Variants in DOCK4 observed in about 807,000 individuals in gnomAD.
DOCK4 encodes the protein dedicator of cytokinesis 4.
In DOCK4, 97 loss-of-function variants were observed where a neutral mutation model predicts 268.1. That is an observed-to-expected ratio of 0.36 (90% CI 0.31 to 0.43). DOCK4 has a LOEUF of 0.43. Among genes scored for constraint, DOCK4 ranks in the 20% least tolerant of loss-of-function variants. The pLI, the probability that DOCK4 is intolerant of heterozygous loss-of-function variation, is 1.00. For synonymous variants in DOCK4, 954 were observed against 887.2 expected, an observed-to-expected ratio of 1.08 and a Z score of -1.34; for missense variants, 2,145 against 2,455.7, an observed-to-expected ratio of 0.87 and a Z score of 2.67.
At chr7:111,933,802 T>C (rs1794468389) in intron 12 of DOCK4, among the ~76,000 whole-genome samples, 1 of 151,916 alleles carries the variant, frequency 6.6e-6, no homozygotes, top group African/African-American at 2.4e-5. Flanking sequence ...AAGTTATCTC[T>C]CCAACTCTAA....
At chr7:111,930,250 AT>A (rs578122023) in intron 12 of DOCK4, among the ~76,000 whole-genome samples, 75 of 152,202 alleles carry the variant, frequency 4.9e-4, no homozygotes, top group Non-Finnish European at 7.1e-4. Flanking sequence ...AGTTAAATGG[AT>A]TGCTTGCAAT....
Position 111,972,776 on chromosome 7 carries a change from A to G in DOCK4, c.701+4356T>C, listed in dbSNP as rs6968414. On this transcript the variant is annotated intron_variant, in intron 8 of 52. Transcript: ENST00000428084. ...TACCTAGATTCTATCATTAACACTT[A>G]TCATATGTTTTATCACATCTCTAGT... 9.9e-3 allele frequency among the ~76,000 whole-genome samples: 1,498 copies of G among 152,068 alleles called. 33 individuals are homozygous for G. Among genetic ancestry groups the G allele is most frequent in the African/African-American group, 0.033 (1,388 of 41,482 alleles).
intron 1 of DOCK4, among the ~76,000 whole-genome samples, chr7:112,118,149 T>TA (rs33923857): frequency 6.7e-6 from 1 of 150,124 alleles, no homozygotes; most frequent in African/African-American, 2.4e-5. Context: ...TATATATATA[T>TA]TTTGTCTCCT....
intron 9 of DOCK4, 140 bp downstream of exon 9, chr7:111,945,577 G>T: frequency 1.5e-6 from 1 of 671,128 alleles, no homozygotes; most frequent in Non-Finnish European, 2.5e-6. Context: ...AGAATTCTGG[G>T]CACTAATGTA....
intron 1 of DOCK4, chr7:112,023,669 C>A: frequency 2.2e-6 from 1 of 453,194 alleles, no homozygotes; most frequent in South Asian, 1.6e-5. Context: ...CACTAGAATA[C>A]TAATGAAAGA....
rs1421266130 is a variant in DOCK4 at position 111,842,586 on chromosome 7, G to A, written c.2736+2177C>T. The stretch of plus-strand genomic sequence containing the variant: ...GGAGCCAGAGAAGGTCAAACAGGGA[G>A]CAGGTACTTTCATACCCACGAGTCA... On this transcript the variant is annotated intron_variant, in intron 25 of 52. Coordinates refer to ENST00000428084, the MANE Select transcript of DOCK4 (RefSeq NM_001363540.2). 1.3e-5 allele frequency among the ~76,000 whole-genome samples: 2 copies of A among 152,206 alleles called. 1 individual carries two copies. Among genetic ancestry groups the A allele is most frequent in the Non-Finnish European group, 2.9e-5 (2 of 68,040 alleles).
At chr7:112,102,340 C>A (rs1810773840) in intron 1 of DOCK4, among the ~76,000 whole-genome samples, 2 of 152,144 alleles carry the variant, frequency 1.3e-5, no homozygotes. Context: ...AGAAAATAGT[C>A]ATTAAGAGGA....
At chr7:112,049,600 AT>A (rs1563032904) in intron 1 of DOCK4, among the ~76,000 whole-genome samples, 1 of 152,216 alleles carries the variant, frequency 6.6e-6, no homozygotes. Flanking sequence ...AGATTGTCAT[AT>A]TGGATTAAAA....
chr7:112,149,595 A>G (rs929995280), intron 1 of DOCK4, among the ~76,000 whole-genome samples: 5 of 152,176 alleles, frequency 3.3e-5, no homozygotes, highest in Non-Finnish European at 5.9e-5. Context: ...AGACTATCAA[A>G]GAAGAGAAGA....
intron 8 of DOCK4, among the ~76,000 whole-genome samples, chr7:111,949,761 T>A (rs1468443320): frequency 6.6e-6 from 1 of 152,234 alleles, no homozygotes; most frequent in African/African-American, 2.4e-5. Context: ...ATACAGCCAC[T>A]AATCACTCAG....
intron 22 of DOCK4, among the ~76,000 whole-genome samples, 156 bp from the exon 23 acceptor site, chr7:111,863,720 T>G (rs570840005): frequency 6.6e-6 from 1 of 152,270 alleles, no homozygotes; most frequent in South Asian, 2.1e-4. Context: ...AGGTAAATTT[T>G]TAAAAAGTGC....
intron 1 of DOCK4, among the ~76,000 whole-genome samples, chr7:112,092,921 A>C (rs1312041350): frequency 6.6e-6 from 1 of 152,128 alleles, no homozygotes; most frequent in Non-Finnish European, 1.5e-5. Context: ...GTTTGGGAGA[A>C]GTGGGAACAG....
At chr7:111,936,000 T>C (rs907692470) in intron 11 of DOCK4, among the ~76,000 whole-genome samples, 1 of 152,206 alleles carries the variant, frequency 6.6e-6, no homozygotes, top group African/African-American at 2.4e-5. Context: ...TAGGTGAGTT[T>C]ATTTACTCTT....
At chr7:112,129,407 A>AG (rs978490689) in intron 1 of DOCK4, among the ~76,000 whole-genome samples, 1 of 152,158 alleles carries the variant, frequency 6.6e-6, no homozygotes, top group African/African-American at 2.4e-5. Context: ...GGGCAGCATA[A>AG]GGGAAGATCT....
At chr7:111,834,773 G>C (rs932471064) in intron 25 of DOCK4, 87 bp from the exon 26 acceptor site, 1 of 850,892 alleles carries the variant, frequency 1.2e-6, no homozygotes, top group East Asian at 2.8e-5. Flanking sequence ...TGTCCTCAAA[G>C]AGAATAGGTT....
At chr7:112,180,255 C>T (rs1818906835) in intron 1 of DOCK4, among the ~76,000 whole-genome samples, 1 of 147,832 alleles carries the variant, frequency 6.8e-6, no homozygotes, top group Non-Finnish European at 1.5e-5. Context: ...CCGGCAGATG[C>T]AAAACGACTC....
At chr7:112,187,685 T>C (rs1819592825) in intron 1 of DOCK4, among the ~76,000 whole-genome samples, 1 of 152,158 alleles carries the variant, frequency 6.6e-6, no homozygotes, top group Non-Finnish European at 1.5e-5. Context: ...CTGCCTTGTG[T>C]CACAATGATT....
In DOCK4 at chr7:111,940,224, T is replaced by TC; in HGVS notation, c.862dup (p.Glu288GlyfsTer7). On this transcript the variant is annotated frameshift_variant, in exon 11 of 53. Transcript: ENST00000428084. LOFTEE classifies it high-confidence loss of function. ...CTGGACACTACAGGCATTCTTTTTT[T>TC]CTCCTGCTCCCATTCGACCTGTTCA... The TC allele has an allele frequency of 6.2e-7, 1 of 1,613,998 alleles. No homozygotes were observed. The highest frequency in any genetic ancestry group is 1.7e-5 in the Admixed American group (1 of 60,016).
At chr7:111,895,545 TAAGATA>T in intron 16 of DOCK4, 61 bp downstream of exon 16, 1 of 1,313,670 alleles carries the variant, frequency 7.6e-7, no homozygotes, top group Non-Finnish European at 1.1e-6. Context: ...TTCAAAATGA[TAAGATA>T]GTGAGGTGTT....
Sources: gnomAD v4.1 joint callset for allele counts (sites outside exome capture counted in the v4.1 genomes callset) on GRCh38, gnomAD v4.1.1 for gene constraint, MANE v1.5 for transcripts, NCBI Gene and HGNC (gene_info 2026-07-23, HGNC 2026-07-21) for gene names.